The following SLC39A14 variants were observed in gnomAD, a reference collection of about 807,000 sequenced individuals.
The protein encoded by SLC39A14 is metal cation symporter ZIP14.
Under a neutral mutation model 45.5 loss-of-function variants are expected in SLC39A14, and 19 were observed. That is an observed-to-expected ratio of 0.42 (90% CI 0.29 to 0.61). SLC39A14 has a LOEUF of 0.61. Among genes scored for constraint, SLC39A14 ranks in the 20% least tolerant of loss-of-function variants. SLC39A14 has a pLI of 0.22. For synonymous variants in SLC39A14, 264 were observed against 251.3 expected (o/e 1.05, Z -0.48); for missense variants, 447 against 616.5 (o/e 0.73, Z 2.91).
In SLC39A14 at chr8:22,394,445, A is replaced by G. The variant is rs182465511; in HGVS notation, c.-15-10251A>G. ...CGCCATTCTCCTGCCTCAACCTCCC[A>G]AGTAGCTGGTACTACAGGCGCCCAC... On this transcript the variant is annotated intron_variant, in intron 1 of 8. Transcript: ENST00000381237. Among the ~76,000 whole-genome samples the G allele has an allele frequency of 1.9e-3, 285 of 150,174 alleles. 8 individuals carry two copies. The East Asian group carries it at 0.048, about 25-fold the overall frequency.
chr8:22,414,871 T>A lies in SLC39A14; in HGVS notation c.719T>A (p.Ile240Asn). The A allele has an allele frequency of 6.2e-7, 1 of 1,613,282 alleles. No homozygotes were observed. Residue 240 changes from isoleucine to asparagine, a missense_variant, in exon 5 of 9, where the codon ATC becomes AAC. Ile to Asn is a moderately radical substitution (Grantham distance 149). This residue lies in a region of SLC39A14 where 342 missense variants were observed against 428.1 expected (regional missense o/e 0.80). Coordinates refer to ENST00000381237, the MANE Select transcript of SLC39A14 (RefSeq NM_001128431.4). ...GFYLFFFTEK[I>N]LKILLKQKNE... ...TATCTTTTCTTTTTCACAGAGAAGA[T>A]CTTGAAGATTCTTCTTAAGCAGAAA...
downstream of SLC39A14, among the ~76,000 whole-genome samples, chr8:22,426,249 G>C (rs1378496650): frequency 6.6e-6 from 1 of 152,084 alleles, no homozygotes; most frequent in Non-Finnish European, 1.5e-5. Context: ...AGGCTAGAGT[G>C]CAGTTTCTCG....
At chr8:22,403,976 C>T (rs1279513790) in intron 1 of SLC39A14, among the ~76,000 whole-genome samples, 1 of 152,108 alleles carries the variant, frequency 6.6e-6, no homozygotes, top group Non-Finnish European at 1.5e-5. Flanking sequence ...TTCCTATCTA[C>T]CTGTCACTTA....
intron 1 of SLC39A14, among the ~76,000 whole-genome samples, chr8:22,387,887 T>C (rs965050909): frequency 2.0e-5 from 3 of 152,124 alleles, no homozygotes; most frequent in Non-Finnish European, 2.9e-5. Context: ...CACCTGAGGT[T>C]GGGAGTTTAA....
chr8:22,421,016 T>C lies in SLC39A14; in HGVS notation c.*1318T>C. The stretch of plus-strand genomic sequence containing the variant: ...GCCAGCCTTAGCCACTGTGGAGCCC[T>C]TGCCTCCGAGCTCTGGCTTCAAGGG... On this transcript the variant is annotated 3_prime_UTR_variant, in exon 9 of 9. Transcript: ENST00000381237. The C allele has an allele frequency of 1.0e-6, 1 of 985,888 alleles. No individual in the cohort carries two copies. The highest frequency in any genetic ancestry group is 4.7e-5 in the South Asian group (1 of 21,288). 61.1% of individuals were successfully genotyped at this position (985,888 alleles called of 1,614,324 possible). A position where few individuals can be genotyped will look rare whatever the true frequency, so the allele number is the denominator to read the frequency against.
intron 1 of SLC39A14, among the ~76,000 whole-genome samples, chr8:22,391,226 A>G (rs980733177): frequency 4.6e-5 from 7 of 152,158 alleles, no homozygotes; most frequent in Admixed American, 4.6e-4. Context: ...ATCATCATTC[A>G]GGTTAGGTTC....
Position 22,419,796 on chromosome 8 carries a change from G to A in SLC39A14, c.*98G>A, listed in dbSNP as rs888183792. ...TCCACAATGCACCACGGAAGAGGCC[G>A]TTCTATGAAAAACTGACACAGACTG... On this transcript the variant is annotated 3_prime_UTR_variant, in exon 9 of 9. Transcript: ENST00000381237. 19 of 1,460,708 alleles carry A rather than the reference G, an allele frequency of 1.3e-5. No homozygotes were observed. The highest frequency in any genetic ancestry group is 9.5e-5 in the East Asian group (4 of 41,996). 90.5% of individuals were successfully genotyped at this position (1,460,708 alleles called of 1,614,324 possible). A position where few individuals can be genotyped will look rare whatever the true frequency, so the allele number is the denominator to read the frequency against.
In SLC39A14 at chr8:22,395,668, G is replaced by A. The variant is rs955013480; in HGVS notation, c.-15-9028G>A. 4.6e-5 allele frequency among the ~76,000 whole-genome samples: 7 copies of A among 152,216 alleles called. 1 individual carries two copies. Among genetic ancestry groups the A allele is most frequent in the Admixed American group, 2.0e-4 (3 of 15,296 alleles). ...AGCCTGCATCCTCTTTTGGTCTCAC[G>A]TTGGTTATAATCTCATCTTTGAGCT... On this transcript the variant is annotated intron_variant, in intron 1 of 8. Coordinates refer to ENST00000381237, the MANE Select transcript of SLC39A14 (RefSeq NM_001128431.4).
Position 22,412,027 on chromosome 8 carries a change from C to T in SLC39A14, c.458-10C>T, listed in dbSNP as rs759174181. 2.2e-5 allele frequency: 34 copies of T among 1,548,656 alleles called. No homozygotes were observed. Among genetic ancestry groups the T allele is most frequent in the Admixed American group, 2.0e-4 (10 of 50,916 alleles). ...CCCTGGGTGGGGCTGGCCCTCCCTC[C>T]GCACGGCAGTGTGGGGATACGGTCT... On this transcript the variant is annotated splice_polypyrimidine_tract_variant and intron_variant, in intron 3 of 8. Coordinates refer to ENST00000381237, the MANE Select transcript of SLC39A14 (RefSeq NM_001128431.4).
chr8:22,416,764 T>G (rs1835910472), intron 7 of SLC39A14, among the ~76,000 whole-genome samples: 1 of 152,114 alleles, frequency 6.6e-6, no homozygotes, highest in Non-Finnish European at 1.5e-5. Flanking sequence ...ATTAAATAGA[T>G]AATTTAAAAT....
chr8:22,374,314 C>T (rs1373182867), intron 1 of SLC39A14, among the ~76,000 whole-genome samples: 10 of 152,122 alleles, frequency 6.6e-5, no homozygotes, highest in African/African-American at 1.9e-4. Context: ...TCTCCATTCC[C>T]GAGATGCTTG....
At chr8:22,417,545 C>G (rs1172878915) in intron 7 of SLC39A14, 106 bp from the exon 8 acceptor site, 4 of 940,470 alleles carry the variant, frequency 4.3e-6, no homozygotes, top group Non-Finnish European at 4.9e-6. Flanking sequence ...CTCAAACAGT[C>G]CTCCCAGCTG....
chr8:22,433,959 G>A (rs559904560), exon 9 of SLC39A14: 10 of 437,110 alleles, frequency 2.3e-5, no homozygotes, highest in South Asian at 9.7e-5. Flanking sequence ...AACCTCTGCC[G>A]CTTGGGTTGA....
intron 2 of SLC39A14, among the ~76,000 whole-genome samples, chr8:22,407,949 C>T (rs1246153137): frequency 6.6e-6 from 1 of 152,146 alleles, no homozygotes; most frequent in African/African-American, 2.4e-5. Flanking sequence ...CTCAAGTGAT[C>T]CGCCTGCCTT....
At chr8:22,369,978 C>A (rs980960737) in intron 1 of SLC39A14, among the ~76,000 whole-genome samples, 1 of 152,112 alleles carries the variant, frequency 6.6e-6, no homozygotes, top group Non-Finnish European at 1.5e-5. Flanking sequence ...TGTGGCCTGC[C>A]AGGGATTGTC....
chr8:22,402,530 G>T (rs567750760), intron 1 of SLC39A14, among the ~76,000 whole-genome samples: 1 of 152,200 alleles, frequency 6.6e-6, no homozygotes, highest in South Asian at 2.1e-4. Flanking sequence ...AACACTTGGG[G>T]AGCCCGAGGC....
intron 1 of SLC39A14, among the ~76,000 whole-genome samples, chr8:22,382,471 G>A (rs918369318): frequency 2.0e-5 from 3 of 151,950 alleles, no homozygotes; most frequent in African/African-American, 4.8e-5. Flanking sequence ...TTTGGAGTTC[G>A]AGACTAGCTT....
At chr8:22,412,295 C>A in intron 4 of SLC39A14, 89 bp downstream of exon 4, 2 of 1,339,756 alleles carry the variant, frequency 1.5e-6, no homozygotes, top group South Asian at 1.4e-5. Context: ...GAGAGGGCAC[C>A]TGGAGGCCCT....
chr8:22,425,890 T>G (rs548271575), downstream of SLC39A14, among the ~76,000 whole-genome samples: 519 of 124,216 alleles, frequency 4.2e-3, 10 homozygotes, highest in Middle Eastern at 0.018. Flanking sequence ...ATGGTTTTTG[T>G]TTTTTTTTTG....
Sources: allele counts gnomAD v4.1 joint callset (sites outside exome capture counted in the v4.1 genomes callset), GRCh38; gene constraint gnomAD v4.1.1; regional missense constraint gnomAD v4.1.1; transcripts MANE v1.5; gene names NCBI Gene and HGNC (gene_info 2026-07-23, HGNC 2026-07-21).